Variants in ARAF observed in about 807,000 individuals in gnomAD.
The protein encoded by ARAF is serine/threonine-protein kinase A-Raf.
Under a neutral mutation model 48.0 loss-of-function variants are expected in ARAF, and 18 were observed. The ratio of observed to expected loss-of-function variants is 0.37; its 90% CI spans 0.26 to 0.56. ARAF has a LOEUF of 0.56. Among genes scored for constraint, ARAF ranks in the 20% least tolerant of loss-of-function variants. ARAF has a pLI of 0.77. For missense variants in ARAF, 389 were observed against 543.1 expected (o/e 0.72, Z 2.82); for synonymous variants, 207 against 220.1 (o/e 0.94, Z 0.53).
intron 12 of ARAF, among the ~76,000 whole-genome samples, chrX:47,569,281 T>C (rs1038411693): frequency 1.3e-4 from 15 of 111,902 alleles, no homozygotes; most frequent in African/African-American, 4.9e-4. Flanking sequence ...GAGGGCATTA[T>C]GGTCAACATC....
intron 11 of ARAF, 36 bp from the exon 12 acceptor site, chrX:47,568,951 C>T: frequency 8.3e-7 from 1 of 1,201,376 alleles, no homozygotes; most frequent in South Asian, 1.8e-5. Flanking sequence ...ATGAGGTAAC[C>T]CCCAGCCAAT....
chrX:47,566,795 G>T lies in ARAF; in HGVS notation c.699+15G>T, dbSNP rs2057734948. On this transcript the variant is annotated intron_variant, in intron 7 of 15. Transcript: ENST00000377045. The stretch of plus-strand genomic sequence containing the variant: ...ACCTCATCCAGGTTGGTGCTGTGGG[G>T]GACAATGCCGGGGACCACAGGGCAG... The T allele has an allele frequency of 8.3e-7, 1 of 1,210,980 alleles. No homozygotes were observed.
chrX:47,571,212 G>GGTGGGT lies in ARAF; in HGVS notation c.1687-108_1687-107insGGTGTG, dbSNP rs1556856973. 2.2e-4 allele frequency: 127 copies of GGTGGGT among 575,957 alleles called. No individual in the cohort carries two copies. In the African/African-American group the frequency reaches 4.4e-3, roughly 20 times the overall value. The allele number at this position is 575,957 out of a possible 1,213,427, so 47.5% of individuals were successfully genotyped here. A position where few individuals can be genotyped will look rare whatever the true frequency, so the allele number is the denominator to read the frequency against. On this transcript the variant is annotated intron_variant, in intron 15 of 15. Transcript: ENST00000377045. Reference sequence around the variant, plus strand: ...TTTCGCCATGAGGCTGGGACTGTTGGGTGTGTGTGTGTGTGTGTGTGTGTG... The same window carrying GGTGGGT: ...TTTCGCCATGAGGCTGGGACTGTTGGGTGGGTGTGTGTGTGTGTGTGTGTGTGTGTG...
At position 47,570,866 on chromosome X, in the gene ARAF, G is replaced by A. The variant is rs753847991; in HGVS notation, c.1552-12G>A. 1.2e-5 allele frequency: 14 copies of A among 1,197,235 alleles called. No individual in the cohort carries two copies. The highest frequency in any genetic ancestry group is 6.0e-5 in the East Asian group (2 of 33,451). On this transcript the variant is annotated splice_polypyrimidine_tract_variant and intron_variant, in intron 14 of 15. Coordinates refer to ENST00000377045, the MANE Select transcript of ARAF (RefSeq NM_001654.5). ...CCCAGATCACCCCTTTCCTGCCCCC[G>A]TCTGCCCCCAGATTATCTTTATGGT...
chrX:47,571,591 G>A lies in ARAF; in HGVS notation c.*134G>A, dbSNP rs887287198. On this transcript the variant is annotated 3_prime_UTR_variant, in exon 16 of 16. Coordinates refer to ENST00000377045, the MANE Select transcript of ARAF (RefSeq NM_001654.5). ...ATTCCCCACCCTGGGAGATGAGGGG[G>A]TCCCCATGTGCTTTTCCAGTTCTTC... 2.2e-6 allele frequency: 2 copies of A among 926,877 alleles called. No homozygotes were observed. The highest frequency in any genetic ancestry group is 5.4e-5 in the South Asian group (2 of 37,265). The allele number at this position is 926,877 out of a possible 1,213,427, so 76.4% of individuals were successfully genotyped here.
intron 6 of ARAF, among the ~76,000 whole-genome samples, chrX:47,566,277 TCTC>T (rs2057732263): frequency 1.8e-5 from 2 of 112,250 alleles, no homozygotes; most frequent in Non-Finnish European, 3.8e-5. Context: ...TCCATTGTCA[TCTC>T]CTCCTCAGAG....
In ARAF at chrX:47,566,318, A is replaced by G. The variant is rs757049859; in HGVS notation, c.558-321A>G. Among the ~76,000 whole-genome samples, 11 of 111,944 alleles carry G rather than the reference A, an allele frequency of 9.8e-5. No homozygotes were observed. The East Asian group carries it at 2.8e-3, about 28-fold the overall frequency. On this transcript the variant is annotated intron_variant, in intron 6 of 15. Coordinates refer to ENST00000377045, the MANE Select transcript of ARAF (RefSeq NM_001654.5). Reference sequence around the variant, plus strand: ...ACCTTTCCTGACACTTTCTAGGAACACTTTGTGTCTCCTTATTTTGCTTTA... The same window carrying G: ...ACCTTTCCTGACACTTTCTAGGAACGCTTTGTGTCTCCTTATTTTGCTTTA...
chrX:47,571,622 T>A lies in ARAF; in HGVS notation c.*165T>A. 1 of 751,635 alleles carries A rather than the reference T, an allele frequency of 1.3e-6. No individual in the cohort carries two copies. The highest frequency in any genetic ancestry group is 1.8e-6 in the Non-Finnish European group (1 of 544,069). The allele number at this position is 751,635 out of a possible 1,213,427, so 61.9% of individuals were successfully genotyped here. A position where few individuals can be genotyped will look rare whatever the true frequency, so the allele number is the denominator to read the frequency against. On this transcript the variant is annotated 3_prime_UTR_variant, in exon 16 of 16. Transcript: ENST00000377045. ...ATGTGCTTTTCCAGTTCTTCTGGAA[T>A]TGGGGGACCCCCGCCAAAGACTGAG...
chrX:47,569,671 G>A lies in ARAF; in HGVS notation c.1419+14G>A. The A allele has an allele frequency of 8.4e-7, 1 of 1,194,152 alleles. No individual in the cohort carries two copies. Among genetic ancestry groups the A allele is most frequent in the Non-Finnish European group, 1.1e-6 (1 of 880,424 alleles). On this transcript the variant is annotated intron_variant, in intron 13 of 15. Transcript: ENST00000377045. ...GTGCTGTGGATGGTGAGTTGGGCCA[G>A]GCTGGATGGGGGGCACATGGGGACG...
chrX:47,569,988 C>T lies in ARAF; in HGVS notation c.1515C>T (p.Gly505=). 8.3e-7 allele frequency: 1 copy of T among 1,205,939 alleles called. No homozygotes were observed. Among genetic ancestry groups the T allele is most frequent in the Non-Finnish European group, 1.1e-6 (1 of 892,978 alleles). ...YGVVLYELMT[G]SLPYSHIGCR... The stretch of plus-strand genomic sequence containing the variant: ...TTGTGCTCTACGAGCTTATGACTGG[C>T]TCACTGCCTTACAGCCACATTGGCT... Residue 505 remains glycine (G), a synonymous_variant, in exon 14 of 16, where the codon GGC becomes GGT. Coordinates refer to ENST00000377045, the MANE Select transcript of ARAF (RefSeq NM_001654.5).
intron 13 of ARAF, 108 bp from the exon 14 acceptor site, chrX:47,569,785 C>A: frequency 5.4e-6 from 6 of 1,111,107 alleles, no homozygotes; most frequent in Non-Finnish European, 6.1e-6. Context: ...TGTCCCACCT[C>A]GTGTGGGTGG....
intron 6 of ARAF, among the ~76,000 whole-genome samples, chrX:47,566,346 A>C (rs898236447): frequency 1.8e-5 from 2 of 110,831 alleles, no homozygotes; most frequent in African/African-American, 3.3e-5. Context: ...TTGCTTTACT[A>C]TTTTTCTTTA....
intron 12 of ARAF, 105 bp from the exon 13 acceptor site, chrX:47,569,434 C>A: frequency 1.5e-6 from 1 of 658,517 alleles, no homozygotes; most frequent in South Asian, 2.6e-5. Flanking sequence ...GGCTCCTGGT[C>A]AGGATCAGAG....
At position 47,567,374 on chromosome X, in the gene ARAF, G is replaced by A. The variant is rs752678087; in HGVS notation, c.1018G>A (p.Val340Met). 8.3e-7 allele frequency: 1 copy of A among 1,210,480 alleles called. No individual in the cohort carries two copies. Among genetic ancestry groups the A allele is most frequent in the Non-Finnish European group, 1.1e-6 (1 of 894,930 alleles). Residue 340 changes from valine (V) to methionine (M), a missense_variant, in exon 10 of 16, where the codon GTG becomes ATG. This residue lies in a region of ARAF where 170 missense variants were observed against 281.4 expected (regional missense o/e 0.60). Transcript: ENST00000377045. ...HGDVAVKVLK[V>M]SQPTAEQAQA... is the part of the protein sequence containing the mutation. ...CGATGTGGCCGTGAAGGTGCTCAAG[G>A]TGTCCCAGCCCACAGCTGAGCAGGC...
chrX:47,571,226 T>G lies in ARAF; in HGVS notation c.1687-97T>G, dbSNP rs868275690. On this transcript the variant is annotated intron_variant, in intron 15 of 15. Coordinates refer to ENST00000377045, the MANE Select transcript of ARAF (RefSeq NM_001654.5). Reference sequence around the variant, plus strand: ...TGGGACTGTTGGGTGTGTGTGTGTGTGTGTGTGTGTGTGTGTGTGTGTTTC... The same window carrying G: ...TGGGACTGTTGGGTGTGTGTGTGTGGGTGTGTGTGTGTGTGTGTGTGTTTC... 28,306 of 708,137 alleles carry G rather than the reference T, an allele frequency of 0.04. 201 individuals are homozygous for G. The highest frequency in any genetic ancestry group is 0.086 in the Admixed American group (2,237 of 26,021). 58.4% of individuals were successfully genotyped at this position (708,137 alleles called of 1,213,427 possible).
chrX:47,571,006 C>T lies in ARAF; in HGVS notation c.1680C>T (p.Phe560=). The change falls in exon 15 of 16, where the codon TTC becomes TTT. Residue 560 remains phenylalanine (F), a synonymous_variant. Coordinates refer to ENST00000377045, the MANE Select transcript of ARAF (RefSeq NM_001654.5). ...LKFQREERPL[F]PQILATIELL... ...TCCAGCGGGAGGAGCGGCCCCTCTT[C>T]CCCCAGGTGGGCTGGGTAGGGGGCT... 1.7e-6 allele frequency: 2 copies of T among 1,210,764 alleles called. No individual in the cohort carries two copies. Among genetic ancestry groups the T allele is most frequent in the African/African-American group, 1.7e-5 (1 of 57,979 alleles).
At position 47,571,652 on chromosome X, in the gene ARAF, CT is replaced by C. The variant is rs1187749507; in HGVS notation, c.*196del. ...GGACCCCCGCCAAAGACTGAGCCCC[CT>C]GTCTCCTCCATCATTTGGTTTCCTC... On this transcript the variant is annotated 3_prime_UTR_variant, in exon 16 of 16. Coordinates refer to ENST00000377045, the MANE Select transcript of ARAF (RefSeq NM_001654.5). 1.8e-5 allele frequency: 10 copies of C among 552,913 alleles called. No homozygotes were observed. The highest frequency in any genetic ancestry group is 2.4e-5 in the Non-Finnish European group (9 of 367,859). The allele number at this position is 552,913 out of a possible 1,213,427, so 45.6% of individuals were successfully genotyped here. A position where few individuals can be genotyped will look rare whatever the true frequency, so the allele number is the denominator to read the frequency against.
intron 10 of ARAF, 46 bp downstream of exon 10, chrX:47,567,478 G>C: frequency 8.7e-7 from 1 of 1,147,564 alleles, no homozygotes; most frequent in Non-Finnish European, 1.2e-6. Flanking sequence ...GCCCGGCCTT[G>C]GCATCTCTCT....
At chrX:47,564,667 G>T in intron 3 of ARAF, 130 bp from the exon 4 acceptor site, 1 of 508,386 alleles carries the variant, frequency 2.0e-6, no homozygotes. Flanking sequence ...TTCTAGAGTT[G>T]CTGTGATGAG....
Sources: gnomAD v4.1 joint callset for allele counts (sites outside exome capture counted in the v4.1 genomes callset) on GRCh38, gnomAD v4.1.1 for gene constraint, gnomAD v4.1.1 regional missense constraint, MANE v1.5 for transcripts, NCBI Gene and HGNC (gene_info 2026-07-23, HGNC 2026-07-21) for gene names.